SHROOM3: variants seen among roughly 807,000 people sequenced by gnomAD.
SHROOM3 encodes the protein shroom family member 3, also known as protein Shroom3.
Under a neutral mutation model 138.6 loss-of-function variants are expected in SHROOM3, and 47 were observed. That is an observed-to-expected ratio of 0.34 (90% CI 0.27 to 0.43). The LOEUF (loss-of-function observed/expected upper bound fraction) is 0.43. SHROOM3 is among the 20% of genes least tolerant of loss of function. The probability of loss-of-function intolerance (pLI) is 1.00; values close to 1 mark genes in which losing one functional copy is unlikely to be tolerated. For missense variants in SHROOM3, 2,491 were observed against 2,596.5 expected (o/e 0.96, Z 0.88); for synonymous variants, 1,062 against 1,063.3 (o/e 1.00, Z 0.02).
intron 2 of SHROOM3, among the ~76,000 whole-genome samples, chr4:76,690,641 A>T (rs1719500795): frequency 6.6e-6 from 1 of 152,226 alleles, no homozygotes; most frequent in African/African-American, 2.4e-5. Context: ...TCTTTCCCCC[A>T]AAAAATTTCA....
In SHROOM3 at chr4:76,555,626, A is replaced by G. The variant is rs1468416278; in HGVS notation, c.186A>G (p.Lys62=). ...LIISKVEEGG[K]ADTLSSKLQA... ...CCAAGCAGGTCGAAGAAGGGGGCAA[A>G]GCAGACACCCTGAGCTCCAAACTGC... is the stretch of plus-strand genomic sequence containing the variant. The change falls in exon 2 of 11, where the codon AAA becomes AAG. Residue 62 remains lysine (K), a synonymous_variant. Transcript: ENST00000296043. 1.2e-6 allele frequency: 2 copies of G among 1,613,824 alleles called. No individual in the cohort carries two copies. Among genetic ancestry groups the G allele is most frequent in the South Asian group, 2.2e-5 (2 of 91,052 alleles).
rs1174712325 is a variant in SHROOM3 at position 76,741,796 on chromosome 4, A to C, written c.3623A>C (p.Glu1208Ala). ...GTQRGDETPR[E>A]PSSWGARAGK... is the part of the protein sequence containing the mutation. ...CAGAGAGGGGATGAGACCCCCAGGGAGCCATCCTCCTGGGGGGCCAGGGCC... is the reference window on the plus strand; with the variant it reads ...CAGAGAGGGGATGAGACCCCCAGGGCGCCATCCTCCTGGGGGGCCAGGGCC... The change falls in exon 5 of 11, where the codon GAG becomes GCG. Residue 1208 changes from glutamate to alanine, a missense_variant. Transcript: ENST00000296043. The surrounding 1 kb of genome is among the most constrained non-coding windows in gnomAD (Gnocchi z 6.2). 2 of 1,582,150 alleles carry C rather than the reference A, an allele frequency of 1.3e-6. No homozygotes were observed. Among genetic ancestry groups the C allele is most frequent in the African/African-American group, 1.3e-5 (1 of 74,454 alleles).
At chr4:76,582,336 C>A (rs902301274) in intron 2 of SHROOM3, among the ~76,000 whole-genome samples, 6 of 151,918 alleles carry the variant, frequency 3.9e-5, no homozygotes, top group Non-Finnish European at 8.8e-5. Context: ...CTTACAACAC[C>A]TAGAGAATAG....
At position 76,748,206 on chromosome 4, in the gene SHROOM3, TGAAGAGCA is replaced by T. The variant is rs541872724; in HGVS notation, c.3754-809_3754-802del. 5.3e-5 allele frequency among the ~76,000 whole-genome samples: 8 copies of T among 152,248 alleles called. No homozygotes were observed. The South Asian group carries it at 1.7e-3, about 32-fold the overall frequency. The stretch of plus-strand genomic sequence containing the variant: ...TAAACAAAAACAATGAGGAACGGGG[TGAAGAGCA>T]GTTAACCCATTGGGCAGGGTTAAAT... On this transcript the variant is annotated intron_variant, in intron 5 of 10. Coordinates refer to ENST00000296043, the MANE Select transcript of SHROOM3 (RefSeq NM_020859.4).
chr4:76,553,975 C>T (rs893729865), intron 1 of SHROOM3, among the ~76,000 whole-genome samples: 1 of 152,182 alleles, frequency 6.6e-6, no homozygotes, highest in Non-Finnish European at 1.5e-5. Flanking sequence ...TCTCCTGTCA[C>T]CCATAGTTTA....
intron 1 of SHROOM3, among the ~76,000 whole-genome samples, chr4:76,488,067 C>T (rs1731768905): frequency 6.6e-6 from 1 of 152,146 alleles, no homozygotes; most frequent in Non-Finnish European, 1.5e-5. Context: ...CAGTTGACTT[C>T]CTTCAACCTA....
chr4:76,595,892 C>G (rs1292295094), intron 2 of SHROOM3, among the ~76,000 whole-genome samples: 1 of 152,120 alleles, frequency 6.6e-6, no homozygotes, highest in Non-Finnish European at 1.5e-5. Context: ...GTAATTTTAT[C>G]TTTTTGTACA....
chr4:76,506,892 C>T (rs1303016203), intron 1 of SHROOM3, among the ~76,000 whole-genome samples: 6 of 152,122 alleles, frequency 3.9e-5, no homozygotes, highest in Non-Finnish European at 5.9e-5. Flanking sequence ...CTCCATACTT[C>T]CTTTCCCCCA....
At chr4:76,696,237 T>C (rs778699296) in intron 2 of SHROOM3, among the ~76,000 whole-genome samples, 2 of 152,178 alleles carry the variant, frequency 1.3e-5, no homozygotes, top group Non-Finnish European at 2.9e-5. Context: ...CGCACATGGT[T>C]GAAGTTAGGA....
intron 1 of SHROOM3, among the ~76,000 whole-genome samples, chr4:76,445,133 GT>G (rs1730780050): frequency 6.6e-6 from 1 of 151,006 alleles, no homozygotes; most frequent in East Asian, 1.9e-4. Context: ...ACCTAATGAA[GT>G]TGTTATAAGT....
chr4:76,667,038 CAG>C (rs1718710749), intron 2 of SHROOM3, among the ~76,000 whole-genome samples: 1 of 152,108 alleles, frequency 6.6e-6, no homozygotes, highest in Admixed American at 6.5e-5. Context: ...TTCATAGAAA[CAG>C]AAAGTAGAAT....
chr4:76,768,194 T>G (rs539598905), intron 9 of SHROOM3, among the ~76,000 whole-genome samples: 22 of 152,364 alleles, frequency 1.4e-4, no homozygotes, highest in African/African-American at 5.3e-4. Context: ...TGACTTGTCT[T>G]AACCCAGTCC....
At chr4:76,755,790 A>G (rs1225023411) in intron 7 of SHROOM3, among the ~76,000 whole-genome samples, 1 of 152,220 alleles carries the variant, frequency 6.6e-6, no homozygotes, top group East Asian at 1.9e-4. Context: ...AGGAATAAAG[A>G]GTAGGGCTCA....
intron 2 of SHROOM3, among the ~76,000 whole-genome samples, chr4:76,611,841 C>T (rs1040403914): frequency 2.0e-5 from 3 of 152,272 alleles, no homozygotes; most frequent in South Asian, 2.1e-4. Context: ...GAGTTTCTGG[C>T]GAATCATACC....
At chr4:76,611,202 T>A (rs1056461384) in intron 2 of SHROOM3, among the ~76,000 whole-genome samples, 1 of 152,158 alleles carries the variant, frequency 6.6e-6, no homozygotes, top group African/African-American at 2.4e-5. Context: ...TAAAGTTACT[T>A]CTTGCCTCAG....
chr4:76,608,621 G>GCATAGC, intron 2 of SHROOM3, among the ~76,000 whole-genome samples: 1 of 91,652 alleles, frequency 1.1e-5, no homozygotes, highest in East Asian at 4.4e-4. Flanking sequence ...ATTGGACAGA[G>GCATAGC]ATGGTATAGC....
At chr4:76,670,673 G>A (rs1490990925) in intron 2 of SHROOM3, among the ~76,000 whole-genome samples, 2 of 152,156 alleles carry the variant, frequency 1.3e-5, no homozygotes, top group Non-Finnish European at 2.9e-5. Context: ...AGAGATTTTG[G>A]CTAGGTGCAG....
chr4:76,508,737 A>T (rs1407658929), intron 1 of SHROOM3, among the ~76,000 whole-genome samples: 2 of 152,180 alleles, frequency 1.3e-5, no homozygotes, highest in Admixed American at 1.3e-4. Flanking sequence ...ACAATGTTTC[A>T]TGGTTTTCAG....
intron 2 of SHROOM3, among the ~76,000 whole-genome samples, chr4:76,700,620 T>C (rs1719875772): frequency 6.6e-6 from 1 of 152,174 alleles, no homozygotes; most frequent in African/African-American, 2.4e-5. Flanking sequence ...AAGGATCGTG[T>C]CTGTTTTGCC....
Sources: allele counts gnomAD v4.1 joint callset (sites outside exome capture counted in the v4.1 genomes callset), GRCh38; gene constraint gnomAD v4.1.1; non-coding constraint Gnocchi (gnomAD v3.1); transcripts MANE v1.5; gene names NCBI Gene and HGNC (gene_info 2026-07-23, HGNC 2026-07-21).